The following SCN2B variants were observed in gnomAD, a reference collection of about 807,000 sequenced individuals.
SCN2B encodes sodium channel regulatory subunit beta-2.
SCN2B carries 14 observed loss-of-function variants against 18.2 expected under a neutral mutation model. That is an observed-to-expected ratio of 0.77 (90% confidence interval 0.51 to 1.21). The LOEUF (loss-of-function observed/expected upper bound fraction) is 1.21, where lower values mean the gene tolerates loss of function less well. Among genes scored for constraint, SCN2B ranks in the 50% most tolerant of loss-of-function variants. The pLI, the probability that SCN2B is intolerant of heterozygous loss-of-function variation, is 0.00. For missense variants in SCN2B, 262 were observed against 286.9 expected, an observed-to-expected ratio of 0.91 and a Z score of 0.63; for synonymous variants, 115 against 115.3, an observed-to-expected ratio of 1.00 and a Z score of 0.02.
rs1035134304 is a variant in SCN2B at position 118,166,821 on chromosome 11, A to AG, written c.*65dup. On this transcript the variant is annotated 3_prime_UTR_variant, in exon 4 of 4. Transcript: ENST00000278947. ...GGAAGCACACCAAGAGCGAGCAGGC[A>AG]GGGTCACTGTACAGGGCGGAGAGGG... The AG allele has an allele frequency of 5.6e-5, 90 of 1,593,384 alleles. 2 individuals are homozygous for AG. The highest frequency in any genetic ancestry group is 2.5e-4 in the South Asian group (23 of 90,716).
chr11:118,176,246 A>G (rs1323119129), intron 1 of SCN2B, 116 bp downstream of exon 1: 3 of 993,816 alleles, frequency 3.0e-6, no homozygotes, highest in Non-Finnish European at 4.8e-6. Flanking sequence ...CTCCCCTCCC[A>G]AGGACACAGA....
rs1451648084 is a variant in SCN2B, at chr11:118,168,782, T to A, written c.71-31A>T. 3.1e-6 allele frequency: 5 copies of A among 1,613,006 alleles called. No individual in the cohort carries two copies. The highest frequency in any genetic ancestry group is 1.7e-5 in the Admixed American group (1 of 59,948). ...GATGAAGCCACAAGCTGGTGAGGAGTCTGGCTGAAAGGGCTGGGGAGGGGC... is the reference window on the plus strand; with the variant it reads ...GATGAAGCCACAAGCTGGTGAGGAGACTGGCTGAAAGGGCTGGGGAGGGGC... On this transcript the variant is annotated intron_variant, in intron 1 of 3. Transcript: ENST00000278947. The surrounding 1 kb of genome is among the most constrained non-coding windows in gnomAD (Gnocchi z 4.7).
intron 1 of SCN2B, among the ~76,000 whole-genome samples, chr11:118,171,688 G>A (rs1948432213): frequency 6.6e-6 from 1 of 152,230 alleles, no homozygotes; most frequent in African/African-American, 2.4e-5. Context: ...GAGGAGTGCG[G>A]GGGCGCCTTT....
chr11:118,174,102 T>G (rs1017825887), intron 1 of SCN2B, among the ~76,000 whole-genome samples: 1 of 127,066 alleles, frequency 7.9e-6, no homozygotes, highest in African/African-American at 3.1e-5. Context: ...TTTTTTTTTT[T>G]TTTTTTTTTT....
In SCN2B at chr11:118,165,237, A is replaced by G. The variant is rs973553087; in HGVS notation, c.*1650T>C. 3 of 152,612 alleles carry G rather than the reference A, an allele frequency of 2.0e-5. No homozygotes were observed. 9.5% of individuals were successfully genotyped at this position (152,612 alleles called of 1,614,324 possible). ...GAAAATGATGGCTCTGTTGCTTCAA[A>G]CTGGAGACTGAGGAGCCAGAGAAGA... On this transcript the variant is annotated 3_prime_UTR_variant, in exon 4 of 4. Coordinates refer to ENST00000278947, the MANE Select transcript of SCN2B (RefSeq NM_004588.5).
chr11:118,176,407 G>T lies in SCN2B; in HGVS notation c.25C>A (p.Arg9Ser). The stretch of plus-strand genomic sequence containing the variant: ...AGCCCCGTGAGGCTGAAGGCAGGGC[G>T]AGGTAGCCAGGCATCTCTGTGCATT... MHRDAWLPRPAFSLTGLSL... is the reference protein window; with the variant it reads MHRDAWLPSPAFSLTGLSL... Residue 9 changes from arginine (R) to serine (S), a missense_variant, in exon 1 of 4, where the codon CGC becomes AGC. Arg to Ser is a moderately radical substitution (Grantham distance 110, BLOSUM62 -1). Coordinates refer to ENST00000278947, the MANE Select transcript of SCN2B (RefSeq NM_004588.5). 1 of 1,614,058 alleles carries T rather than the reference G, an allele frequency of 6.2e-7. No homozygotes were observed. The highest frequency in any genetic ancestry group is 8.5e-7 in the Non-Finnish European group (1 of 1,179,982).
In SCN2B at chr11:118,169,239, C is replaced by T. The variant is rs117393704; in HGVS notation, c.71-488G>A. 1.2e-3 allele frequency among the ~76,000 whole-genome samples: 183 copies of T among 152,260 alleles called. 2 individuals are homozygous for T. The East Asian group carries it at 0.032, about 27-fold the overall frequency. ...ATCTGTCAAGCCAGGGGCAGCCAAA[C>T]GGCCTCAAGCCTTTTCTAGAACCAC... On this transcript the variant is annotated intron_variant, in intron 1 of 3. Transcript: ENST00000278947.
In SCN2B at chr11:118,168,715, G is replaced by A; in HGVS notation, c.107C>T (p.Ala36Val). 2 of 1,614,222 alleles carry A rather than the reference G, an allele frequency of 1.2e-6. No homozygotes were observed. Among genetic ancestry groups the A allele is most frequent in the South Asian group, 2.2e-5 (2 of 91,092 alleles). Reference sequence around the variant, plus strand: ...AGAGCCATTGAGGACGTTGAGGGTGGCAGGTACTGTGACCTCCATGCTCCG... The same window carrying A: ...AGAGCCATTGAGGACGTTGAGGGTGACAGGTACTGTGACCTCCATGCTCCG... Reference protein sequence around the residue: ...PGRSMEVTVPATLNVLNGSDA... With the variant: ...PGRSMEVTVPVTLNVLNGSDA... The change falls in exon 2 of 4, where the codon GCC becomes GTC. Residue 36 changes from alanine to valine, a missense_variant. Coordinates refer to ENST00000278947, the MANE Select transcript of SCN2B (RefSeq NM_004588.5). This position sits in a 1 kb window ranked among gnomAD's most constrained non-coding sequence, Gnocchi z 4.7.
rs1324219337 is a variant in SCN2B at position 118,168,530 on chromosome 11, C to T, written c.237+55G>A. ...GGGCCGGTGGTGGGACCAGGGGCTT[C>T]ATGCCATGGGGCTCCTACCTCCTCC... On this transcript the variant is annotated intron_variant, in intron 2 of 3. Coordinates refer to ENST00000278947, the MANE Select transcript of SCN2B (RefSeq NM_004588.5). The surrounding 1 kb of genome is among the most constrained non-coding windows in gnomAD (Gnocchi z 4.7). 2 of 1,609,920 alleles carry T rather than the reference C, an allele frequency of 1.2e-6. No homozygotes were observed. The highest frequency in any genetic ancestry group is 1.7e-6 in the Non-Finnish European group (2 of 1,176,540).
At chr11:118,174,944 T>C (rs1948457808) in intron 1 of SCN2B, among the ~76,000 whole-genome samples, 1 of 152,230 alleles carries the variant, frequency 6.6e-6, no homozygotes, top group South Asian at 2.1e-4. Context: ...ACTGTTAATA[T>C]AGCAGTGCCA....
intron 1 of SCN2B, among the ~76,000 whole-genome samples, chr11:118,172,860 C>T (rs1348508159): frequency 3.3e-5 from 5 of 151,534 alleles, no homozygotes; most frequent in African/African-American, 9.7e-5. Flanking sequence ...TTCCACCCTA[C>T]AGCAACCTAT....
Position 118,176,519 on chromosome 11 carries a change from T to TAAAAAAAA in SCN2B, c.-96_-89dup. The TAAAAAAAA allele has an allele frequency of 1.1e-6, 1 of 903,140 alleles. No individual in the cohort carries two copies. Among genetic ancestry groups the TAAAAAAAA allele is most frequent in the Non-Finnish European group, 1.8e-6 (1 of 550,716 alleles). The allele number at this position is 903,140 out of a possible 1,614,324, so 55.9% of individuals were successfully genotyped here. Reference sequence around the variant, plus strand: ...CTACAAGGGAGGAATGGTTGGATGCTAAAAAAAAATGCACGGATGTACTTC... The same window carrying TAAAAAAAA: ...CTACAAGGGAGGAATGGTTGGATGCTAAAAAAAAAAAAAAAAATGCACGGATGTACTTC... On this transcript the variant is annotated 5_prime_UTR_variant, in exon 1 of 4. It introduces an in-frame stop codon into an upstream open reading frame of the 5' UTR. Transcript: ENST00000278947.
In SCN2B at chr11:118,168,376, T is replaced by A. The variant is rs1325196225; in HGVS notation, c.238-81A>T. The A allele has an allele frequency of 1.8e-5, 24 of 1,361,034 alleles. No homozygotes were observed. In the East Asian group the frequency reaches 5.3e-4, roughly 30 times the overall value. The allele number at this position is 1,361,034 out of a possible 1,614,324, so 84.3% of individuals were successfully genotyped here. A position where few individuals can be genotyped will look rare whatever the true frequency, so the allele number is the denominator to read the frequency against. Reference sequence around the variant, plus strand: ...ACAGTGAGGATGCCCCCTCTTCCCATCCACCCTTTTCCTGGGGAAGAGAGG... The same window carrying A: ...ACAGTGAGGATGCCCCCTCTTCCCAACCACCCTTTTCCTGGGGAAGAGAGG... On this transcript the variant is annotated intron_variant, in intron 2 of 3. Transcript: ENST00000278947. This position sits in a 1 kb window ranked among gnomAD's most constrained non-coding sequence, Gnocchi z 4.7.
Position 118,172,977 on chromosome 11 carries a change from C to T in SCN2B, c.70+3385G>A, listed in dbSNP as rs566062794. On this transcript the variant is annotated intron_variant, in intron 1 of 3. Coordinates refer to ENST00000278947, the MANE Select transcript of SCN2B (RefSeq NM_004588.5). ...CTCCCAGGTGAGTGTGGCATCCAGC[C>T]CGTATCTCCGCACCTGCACTGCCTT... 3.1e-4 allele frequency among the ~76,000 whole-genome samples: 47 copies of T among 151,986 alleles called. No homozygotes were observed. The South Asian group carries it at 3.5e-3, about 11-fold the overall frequency.
In SCN2B at chr11:118,164,070, C is replaced by G. The variant is rs1477079828; in HGVS notation, c.*2817G>C. ...TGAAGAGACATTGCTTTTCCTGGGC[C>G]CCAGTTGATCAGGGCAGAGGAAAAA... is the stretch of plus-strand genomic sequence containing the variant. On this transcript the variant is annotated 3_prime_UTR_variant, in exon 4 of 4. Coordinates refer to ENST00000278947, the MANE Select transcript of SCN2B (RefSeq NM_004588.5). 6.6e-6 allele frequency: 1 copy of G among 152,032 alleles called. No individual in the cohort carries two copies. The highest frequency in any genetic ancestry group is 2.4e-5 in the African/African-American group (1 of 41,370). The allele number at this position is 152,032 out of a possible 1,614,324, so 9.4% of individuals were successfully genotyped here.
rs1555101438 is a variant in SCN2B at position 118,174,091 on chromosome 11, C to CTTTTGTTTTTTTTTTTT, written c.70+2270_70+2271insAAAAAAAAAAAACAAAA. On this transcript the variant is annotated intron_variant, in intron 1 of 3. Coordinates refer to ENST00000278947, the MANE Select transcript of SCN2B (RefSeq NM_004588.5). Reference sequence around the variant, plus strand: ...ACCATGCCTGGCTTATTTTTCTTTTCTTTTTTTTTTTTTTTTTTTTTTTTT... The same window carrying CTTTTGTTTTTTTTTTTT: ...ACCATGCCTGGCTTATTTTTCTTTTCTTTTGTTTTTTTTTTTTTTTTTTTTTTTTTTTTTTTTTTTTT... 8.0e-4 allele frequency among the ~76,000 whole-genome samples: 53 copies of CTTTTGTTTTTTTTTTTT among 66,660 alleles called. 4 individuals are homozygous for CTTTTGTTTTTTTTTTTT. Among genetic ancestry groups the CTTTTGTTTTTTTTTTTT allele is most frequent in the African/African-American group, 1.8e-3 (28 of 15,546 alleles). 43.7% of individuals were successfully genotyped at this position (66,660 alleles called of 152,430 possible). A position where few individuals can be genotyped will look rare whatever the true frequency, so the allele number is the denominator to read the frequency against.
In SCN2B at chr11:118,168,417, G is replaced by A. The variant is rs1415063797; in HGVS notation, c.238-122C>T. On this transcript the variant is annotated intron_variant, in intron 2 of 3. Coordinates refer to ENST00000278947, the MANE Select transcript of SCN2B (RefSeq NM_004588.5). The surrounding 1 kb of genome is among the most constrained non-coding windows in gnomAD (Gnocchi z 4.7). ...GGAAGAGAGGCAGTTACCTCTGTGA[G>A]GCACCTGGATGCGCAGCACACCTTG... The A allele has an allele frequency of 1.6e-6, 2 of 1,263,882 alleles. No individual in the cohort carries two copies. The highest frequency in any genetic ancestry group is 3.5e-5 in the Admixed American group (2 of 57,726). 78.3% of individuals were successfully genotyped at this position (1,263,882 alleles called of 1,614,324 possible).
Position 118,168,174 on chromosome 11 carries a change from T to G in SCN2B, c.359A>C (p.Glu120Ala), listed in dbSNP as rs1346435925. Residue 120 changes from glutamate to alanine, a missense_variant, in exon 3 of 4, where the codon GAG becomes GCG. Transcript: ENST00000278947. This position sits in a 1 kb window ranked among gnomAD's most constrained non-coding sequence, Gnocchi z 4.7. The part of the protein sequence containing the change: ...VSVMLRNVQP[E>A]DEGIYNCYIM... Reference sequence around the variant, plus strand: ...GTAGCAGTTGTAAATCCCCTCATCCTCCGGCTGCACGTTTCTCAGCATCAC... The same window carrying G: ...GTAGCAGTTGTAAATCCCCTCATCCGCCGGCTGCACGTTTCTCAGCATCAC... The G allele has an allele frequency of 6.2e-7, 1 of 1,614,174 alleles. No homozygotes were observed. The highest frequency in any genetic ancestry group is 8.5e-7 in the Non-Finnish European group (1 of 1,180,024).
chr11:118,165,551 ACTG>A lies in SCN2B; in HGVS notation c.*1333_*1335del, dbSNP rs1948372786. The A allele has an allele frequency of 7.4e-6, 1 of 134,984 alleles. No homozygotes were observed. The highest frequency in any genetic ancestry group is 2.9e-5 in the African/African-American group (1 of 34,830). The allele number at this position is 134,984 out of a possible 1,614,324, so 8.4% of individuals were successfully genotyped here. A position where few individuals can be genotyped will look rare whatever the true frequency, so the allele number is the denominator to read the frequency against. On this transcript the variant is annotated 3_prime_UTR_variant, in exon 4 of 4. Transcript: ENST00000278947. ...AGTGGCACTATCACTATCTCAGTTC[ACTG>A]CAACCTCTGCTTCCCGGGCTCAAGC... is the stretch of plus-strand genomic sequence containing the variant.
Sources: gnomAD v4.1 joint callset for allele counts (sites outside exome capture counted in the v4.1 genomes callset) on GRCh38, gnomAD v4.1.1 for gene constraint, Gnocchi (gnomAD v3.1) non-coding constraint, MANE v1.5 for transcripts, NCBI Gene and HGNC (gene_info 2026-07-23, HGNC 2026-07-21) for gene names.